Variants in CFDP1 observed in about 807,000 individuals in gnomAD.
CFDP1 encodes the protein heterochromatin-stabilizing protein CFDP1.
CFDP1 carries 31 observed loss-of-function variants against 40.1 expected under a neutral mutation model. The observed-to-expected ratio is 0.77, with a 90% CI of 0.58 to 1.04. The LOEUF is 1.04. Ranked by LOEUF, CFDP1 falls within the 50% of genes least tolerant of loss-of-function variation. The pLI, the probability that CFDP1 is intolerant of heterozygous loss-of-function variation, is 0.00. For synonymous variants in CFDP1, 167 were observed against 120.0 expected (o/e 1.39, Z -2.56); for missense variants, 423 against 343.4 (o/e 1.23, Z -1.83).
At chr16:75,358,564 G>A (rs2078661179) in intron 5 of CFDP1, among the ~76,000 whole-genome samples, 2 of 152,068 alleles carry the variant, frequency 1.3e-5, no homozygotes, top group African/African-American at 4.8e-5. Context: ...TCTGCCAAGA[G>A]TGGGAGTCTC....
intron 1 of CFDP1, among the ~76,000 whole-genome samples, chr16:75,430,004 G>A (rs893352678): frequency 3.3e-5 from 5 of 152,168 alleles, no homozygotes; most frequent in African/African-American, 7.2e-5. Flanking sequence ...ATACATTTGA[G>A]AAATATACTG....
At chr16:75,309,648 G>A (rs910218719) in intron 5 of CFDP1, among the ~76,000 whole-genome samples, 5 of 151,910 alleles carry the variant, frequency 3.3e-5, no homozygotes, top group African/African-American at 7.2e-5. Context: ...GTGAAACCCC[G>A]TCTCTACTAA....
intron 4 of CFDP1, among the ~76,000 whole-genome samples, chr16:75,399,203 A>G (rs1002088589): frequency 1.4e-4 from 21 of 152,296 alleles, no homozygotes; most frequent in African/African-American, 5.1e-4. Flanking sequence ...ATAATAAAAC[A>G]ATTATTTTTT....
In CFDP1 at chr16:75,395,328, C is replaced by G. The variant is rs868675573; in HGVS notation, c.531-119G>C. On this transcript the variant is annotated intron_variant, in intron 4 of 6. Transcript: ENST00000283882. The stretch of plus-strand genomic sequence containing the variant: ...CTCGGCTTCCAATAAATTCTGGACG[C>G]TCAGCATTATGATAAAAGTTTACTA... 187 of 1,050,966 alleles carry G rather than the reference C, an allele frequency of 1.8e-4. No individual in the cohort carries two copies. The African/African-American group carries it at 2.7e-3, about 15-fold the overall frequency. 65.1% of individuals were successfully genotyped at this position (1,050,966 alleles called of 1,614,324 possible). A position where few individuals can be genotyped will look rare whatever the true frequency, so the allele number is the denominator to read the frequency against.
rs1491320265 is a variant in CFDP1 at position 75,297,195 on chromosome 16, T to TG, written c.810-3154_810-3153insC. Among the ~76,000 whole-genome samples the TG allele has an allele frequency of 4.3e-3, 651 of 150,134 alleles. 1 individual carries two copies. Among genetic ancestry groups the TG allele is most frequent in the African/African-American group, 0.015 (623 of 40,798 alleles). On this transcript the variant is annotated intron_variant, in intron 6 of 6. Coordinates refer to ENST00000283882, the MANE Select transcript of CFDP1 (RefSeq NM_006324.3). ...GTGTGTGTGTGTGTGTGTGTGTGTG[T>TG]TTTTAGTAGAGATGGGGTTTTGCCA...
chr16:75,387,392 C>T (rs1024391498), intron 5 of CFDP1, among the ~76,000 whole-genome samples: 2 of 152,126 alleles, frequency 1.3e-5, no homozygotes, highest in Non-Finnish European at 2.9e-5. Flanking sequence ...CCACCCGCCT[C>T]GGCCTCCCAA....
chr16:75,303,503 A>ACCCC (rs36137262), intron 6 of CFDP1, among the ~76,000 whole-genome samples: 11,508 of 127,282 alleles, frequency 0.09, 1,156 homozygotes, highest in East Asian at 0.34. Context: ...TAGAAATATG[A>ACCCC]CCCCCCCCAA....
intron 1 of CFDP1, among the ~76,000 whole-genome samples, chr16:75,429,161 C>G (rs2079379319): frequency 6.6e-6 from 1 of 152,030 alleles, no homozygotes; most frequent in Non-Finnish European, 1.5e-5. Flanking sequence ...AATATTCTAC[C>G]AGCTTCCGGA....
intron 4 of CFDP1, 39 bp from the exon 5 acceptor site, chr16:75,395,248 T>C (rs562044903): frequency 1.9e-6 from 3 of 1,603,200 alleles, no homozygotes; most frequent in African/African-American, 2.7e-5. Flanking sequence ...ACAAGAAGAA[T>C]AAAGAGAAAG....
intron 5 of CFDP1, among the ~76,000 whole-genome samples, chr16:75,335,335 G>T (rs1241746962): frequency 6.6e-6 from 1 of 152,034 alleles, no homozygotes; most frequent in Non-Finnish European, 1.5e-5. Flanking sequence ...TATGTTCGTG[G>T]TCAAAATTCA....
At chr16:75,420,772 T>C (rs1045597905) in intron 1 of CFDP1, among the ~76,000 whole-genome samples, 1 of 152,148 alleles carries the variant, frequency 6.6e-6, no homozygotes, top group African/African-American at 2.4e-5. Flanking sequence ...TATCTATACC[T>C]AGGTGTAGAA....
intron 5 of CFDP1, among the ~76,000 whole-genome samples, chr16:75,345,064 C>T (rs2078552808): frequency 6.6e-6 from 1 of 152,084 alleles, no homozygotes; most frequent in Non-Finnish European, 1.5e-5. Context: ...CAAGACCAGC[C>T]TGGGCAATCC....
At chr16:75,354,694 G>A (rs79640665) in intron 5 of CFDP1, among the ~76,000 whole-genome samples, 1 of 151,948 alleles carries the variant, frequency 6.6e-6, no homozygotes, top group Non-Finnish European at 1.5e-5. Context: ...TGGGGAAAGG[G>A]AAAAGTGCTG....
At chr16:75,344,389 C>T (rs2151521919) in intron 5 of CFDP1, among the ~76,000 whole-genome samples, 1 of 152,232 alleles carries the variant, frequency 6.6e-6, no homozygotes, top group African/African-American at 2.4e-5. Context: ...AATCAGGTGT[C>T]AAATCACTTT....
intron 5 of CFDP1, among the ~76,000 whole-genome samples, chr16:75,371,887 C>T (rs548690144): frequency 3.3e-5 from 5 of 152,166 alleles, no homozygotes; most frequent in African/African-American, 4.8e-5. Flanking sequence ...TGTCCTAATA[C>T]GAACTAGTAA....
chr16:75,316,698 G>A (rs892535552), intron 5 of CFDP1, among the ~76,000 whole-genome samples: 5 of 152,086 alleles, frequency 3.3e-5, no homozygotes, highest in Admixed American at 6.5e-5. Context: ...GGCCGGGCGC[G>A]GTGGCTCACG....
intron 6 of CFDP1, among the ~76,000 whole-genome samples, chr16:75,295,961 A>G (rs184653648): frequency 5.3e-5 from 8 of 152,304 alleles, no homozygotes; most frequent in African/African-American, 1.7e-4. Context: ...CACGTTCACT[A>G]CAACTGGTCA....
At chr16:75,337,635 G>A (rs2078498602) in intron 5 of CFDP1, among the ~76,000 whole-genome samples, 1 of 152,180 alleles carries the variant, frequency 6.6e-6, no homozygotes, top group East Asian at 1.9e-4. Context: ...ATCATGGCGG[G>A]AAGGGGAGGC....
At chr16:75,397,144 G>C (rs910307994) in intron 4 of CFDP1, among the ~76,000 whole-genome samples, 3 of 151,824 alleles carry the variant, frequency 2.0e-5, no homozygotes, top group African/African-American at 7.2e-5. Flanking sequence ...TTGATCTCCT[G>C]ACCTTGTGAT....
Sources: gnomAD v4.1 joint callset for allele counts (sites outside exome capture counted in the v4.1 genomes callset) on GRCh38, gnomAD v4.1.1 for gene constraint, MANE v1.5 for transcripts, NCBI Gene and HGNC (gene_info 2026-07-23, HGNC 2026-07-21) for gene names.